QKI: variants seen among roughly 807,000 people sequenced by gnomAD.
QKI encodes the protein KH domain-containing RNA-binding protein QKI.
A neutral mutation model predicts 39.0 loss-of-function variants in QKI; 10 were observed. The ratio of observed to expected loss-of-function variants is 0.26; its 90% CI spans 0.16 to 0.43. The LOEUF is 0.43. Among genes scored for constraint, QKI ranks in the 20% least tolerant of loss-of-function variants. The pLI is 1.00. For missense variants in QKI, 218 were observed against 428.0 expected (o/e 0.51, Z 4.33); for synonymous variants, 204 against 155.4 (o/e 1.31, Z -2.33).
intron 2 of QKI, among the ~76,000 whole-genome samples, chr6:163,459,214 A>G (rs1791163453): frequency 6.6e-6 from 1 of 152,224 alleles, no homozygotes; most frequent in Admixed American, 6.5e-5. Flanking sequence ...CTGGAATGCA[A>G]GATCCAAGCC....
At chr6:163,437,973 G>A (rs1299719417) in intron 1 of QKI, among the ~76,000 whole-genome samples, 1 of 152,150 alleles carries the variant, frequency 6.6e-6, no homozygotes, top group Non-Finnish European at 1.5e-5. Context: ...TAAGCTAAAT[G>A]TACTGTGAGG....
intron 2 of QKI, among the ~76,000 whole-genome samples, chr6:163,456,895 G>A (rs1469263227): frequency 1.3e-5 from 2 of 152,072 alleles, no homozygotes; most frequent in African/African-American, 4.8e-5. Flanking sequence ...ACTTGGCATT[G>A]GTGCCTCCCA....
chr6:163,453,239 A>G (rs748905627), intron 1 of QKI, among the ~76,000 whole-genome samples: 4 of 151,830 alleles, frequency 2.6e-5, no homozygotes, highest in African/African-American at 9.7e-5. Flanking sequence ...TATAAATTCT[A>G]CTATATCTTA....
At chr6:163,567,718 T>C (rs1158850900) in intron 7 of QKI, 26 of 983,914 alleles carry the variant, frequency 2.6e-5, no homozygotes, top group Non-Finnish European at 3.1e-5. Context: ...ATATCAAGCA[T>C]GGTAGTAAAA....
chr6:163,484,671 C>T (rs138953322), intron 3 of QKI, among the ~76,000 whole-genome samples: 2 of 152,224 alleles, frequency 1.3e-5, no homozygotes, highest in African/African-American at 4.8e-5. Context: ...TAGATGTAAT[C>T]TTCTTCCATT....
At chr6:163,418,154 T>C (rs1787691318) in intron 1 of QKI, among the ~76,000 whole-genome samples, 1 of 152,116 alleles carries the variant, frequency 6.6e-6, no homozygotes, top group Admixed American at 6.5e-5. Flanking sequence ...AGATAAAATT[T>C]AGTAAAAATT....
chr6:163,436,013 G>A (rs1021635739), intron 1 of QKI, among the ~76,000 whole-genome samples: 1 of 152,104 alleles, frequency 6.6e-6, no homozygotes, highest in Non-Finnish European at 1.5e-5. Context: ...ACTATTTAAA[G>A]TGTTTAATCC....
At chr6:163,440,248 T>TA (rs745469462) in intron 1 of QKI, among the ~76,000 whole-genome samples, 4 of 152,212 alleles carry the variant, frequency 2.6e-5, no homozygotes, top group Non-Finnish European at 5.9e-5. Flanking sequence ...GATGGAGCAG[T>TA]AGTGCTGGAG....
chr6:163,557,055 G>A (rs1489814607), intron 4 of QKI, among the ~76,000 whole-genome samples: 1 of 152,128 alleles, frequency 6.6e-6, no homozygotes, highest in Non-Finnish European at 1.5e-5. Context: ...GAGTGGCTCT[G>A]TTCACATATC....
intron 1 of QKI, among the ~76,000 whole-genome samples, chr6:163,447,504 C>G (rs1313307641): frequency 6.6e-6 from 1 of 152,092 alleles, no homozygotes; most frequent in African/African-American, 2.4e-5. Flanking sequence ...CATCTCTTCT[C>G]CTACTCATCC....
intron 4 of QKI, among the ~76,000 whole-genome samples, chr6:163,535,699 G>A (rs1458465550): frequency 1.3e-5 from 2 of 152,108 alleles, no homozygotes; most frequent in Admixed American, 6.5e-5. Context: ...GGGAGGCTGA[G>A]GCGGTTGGAT....
chr6:163,569,705 G>C, intron 7 of QKI: 1 of 994,254 alleles, frequency 1.0e-6, no homozygotes, highest in Non-Finnish European at 1.2e-6. Context: ...AGTATTTACA[G>C]GTGGCTTCTT....
In QKI at chr6:163,557,803, G is replaced by A. The variant is rs559096757; in HGVS notation, c.547-4179G>A. 1.3e-4 allele frequency among the ~76,000 whole-genome samples: 20 copies of A among 150,796 alleles called. No homozygotes were observed. The East Asian group carries it at 1.7e-3, about 13-fold the overall frequency. ...CTTTATATATACATACACCTACTGT[G>A]TGCCCACAAAAACTTAAAAAAAAAA... On this transcript the variant is annotated intron_variant, in intron 4 of 7. Transcript: ENST00000361752.
intron 1 of QKI, among the ~76,000 whole-genome samples, chr6:163,426,612 G>C (rs1016049156): frequency 6.6e-6 from 1 of 152,086 alleles, no homozygotes; most frequent in Non-Finnish European, 1.5e-5. Context: ...TTTTTTGCCT[G>C]AATCAGTTTC....
intron 1 of QKI, among the ~76,000 whole-genome samples, chr6:163,421,421 T>C (rs527844515): frequency 1.3e-5 from 2 of 152,338 alleles, no homozygotes; most frequent in South Asian, 2.1e-4. Flanking sequence ...TATGGAATTA[T>C]ATAGGTAAAC....
chr6:163,467,358 G>A (rs1434189366), intron 2 of QKI, among the ~76,000 whole-genome samples: 1 of 152,188 alleles, frequency 6.6e-6, no homozygotes. Flanking sequence ...ATGCAGCACA[G>A]GAACTCATAT....
Position 163,575,223 on chromosome 6 carries a change from A to G in QKI, c.*4513A>G, listed in dbSNP as rs1446155685. Reference sequence around the variant, plus strand: ...TATACAAGTTGTCATGGTACCATGTAACTTAAATTGATGAATTTCTATGCA... The same window carrying G: ...TATACAAGTTGTCATGGTACCATGTGACTTAAATTGATGAATTTCTATGCA... On this transcript the variant is annotated 3_prime_UTR_variant, in exon 8 of 8. Coordinates refer to ENST00000361752, the MANE Select transcript of QKI (RefSeq NM_006775.3). The G allele has an allele frequency of 1.3e-5, 2 of 152,220 alleles. No homozygotes were observed. 9.4% of individuals were successfully genotyped at this position (152,220 alleles called of 1,614,324 possible). A position where few individuals can be genotyped will look rare whatever the true frequency, so the allele number is the denominator to read the frequency against.
intron 4 of QKI, among the ~76,000 whole-genome samples, chr6:163,557,342 A>G (rs760772691): frequency 6.6e-6 from 1 of 152,316 alleles, no homozygotes; most frequent in East Asian, 1.9e-4. Flanking sequence ...ATGGAGTACT[A>G]TTTAGCCATA....
chr6:163,540,358 T>C (rs1312046166), intron 4 of QKI, among the ~76,000 whole-genome samples: 1 of 152,146 alleles, frequency 6.6e-6, no homozygotes, highest in Non-Finnish European at 1.5e-5. Flanking sequence ...GATTAAAGAT[T>C]GTACTTCCTT....
Sources: allele counts gnomAD v4.1 joint callset (sites outside exome capture counted in the v4.1 genomes callset), GRCh38; gene constraint gnomAD v4.1.1; transcripts MANE v1.5; gene names NCBI Gene and HGNC (gene_info 2026-07-23, HGNC 2026-07-21).